The following CNTNAP2 variants were observed in gnomAD, a reference collection of about 807,000 sequenced individuals.
CNTNAP2 encodes contactin-associated protein-like 2.
In CNTNAP2, 98 loss-of-function variants were observed where a neutral mutation model predicts 155.2. The ratio of observed to expected loss-of-function variants is 0.63; its 90% confidence interval spans 0.54 to 0.75. The LOEUF (loss-of-function observed/expected upper bound fraction) is 0.75. CNTNAP2 is among the 30% of genes least tolerant of loss of function. The pLI is 0.00. For synonymous variants in CNTNAP2, 651 were observed against 631.2 expected, an observed-to-expected ratio of 1.03 and a Z score of -0.47; for missense variants, 1,727 against 1,688.1, an observed-to-expected ratio of 1.02 and a Z score of -0.40.
At chr7:148,385,098 T>A (rs757488821) in intron 22 of CNTNAP2, among the ~76,000 whole-genome samples, 22 of 152,080 alleles carry the variant, frequency 1.4e-4, no homozygotes, top group Non-Finnish European at 1.8e-4. Context: ...GCACATGGAG[T>A]GTGTGGCTTC....
chr7:147,246,081 T>TACATATATATGGCATATATATATAC (rs1804058581), intron 8 of CNTNAP2, among the ~76,000 whole-genome samples: 1 of 149,478 alleles, frequency 6.7e-6, no homozygotes, highest in East Asian at 2.0e-4. Flanking sequence ...TATATATATA[T>TACATATATATGGCATATATATATAC]ACATATATAT....
chr7:148,106,449 G>A (rs1563201295), intron 15 of CNTNAP2, among the ~76,000 whole-genome samples: 1 of 148,760 alleles, frequency 6.7e-6, no homozygotes, highest in Non-Finnish European at 1.5e-5. Flanking sequence ...ATTCCCCAGA[G>A]TCACCCCCAC....
chr7:147,485,792 T>C (rs1217621459), intron 10 of CNTNAP2, 143 bp from the exon 11 acceptor site: 7 of 780,648 alleles, frequency 9.0e-6, no homozygotes, highest in Non-Finnish European at 1.1e-5. Context: ...ATCATATTAA[T>C]CTGCTTAAAC....
At chr7:147,754,815 A>G (rs1239894946) in intron 13 of CNTNAP2, among the ~76,000 whole-genome samples, 1 of 151,850 alleles carries the variant, frequency 6.6e-6, no homozygotes, top group African/African-American at 2.4e-5. Flanking sequence ...GGAATAAATG[A>G]AAAAAAATGG....
At chr7:146,363,828 G>T (rs1795118862) in intron 1 of CNTNAP2, among the ~76,000 whole-genome samples, 2 of 152,170 alleles carry the variant, frequency 1.3e-5, no homozygotes, top group African/African-American at 4.8e-5. Flanking sequence ...AAAACAGCTG[G>T]AGAAGAATAT....
intron 13 of CNTNAP2, among the ~76,000 whole-genome samples, chr7:147,698,231 C>T (rs1796189379): frequency 6.6e-6 from 1 of 152,114 alleles, no homozygotes; most frequent in Non-Finnish European, 1.5e-5. Context: ...ACTGAAGATA[C>T]CTAATCTCCT....
At chr7:147,802,382 G>A (rs1190539524) in intron 13 of CNTNAP2, among the ~76,000 whole-genome samples, 1 of 152,174 alleles carries the variant, frequency 6.6e-6, no homozygotes, top group Middle Eastern at 3.4e-3. Context: ...GTGGCGGCCG[G>A]GCAGAGGCTG....
chr7:147,572,994 C>T (rs1800323962), intron 12 of CNTNAP2, among the ~76,000 whole-genome samples: 1 of 152,140 alleles, frequency 6.6e-6, no homozygotes, highest in Non-Finnish European at 1.5e-5. Flanking sequence ...CAGCTAATCT[C>T]TCTTTTTATC....
At chr7:146,458,084 A>G (rs1460476742) in intron 1 of CNTNAP2, among the ~76,000 whole-genome samples, 1 of 152,042 alleles carries the variant, frequency 6.6e-6, no homozygotes, top group East Asian at 1.9e-4. Context: ...GTTCTCATTT[A>G]CAAGTGGGAG....
chr7:147,429,403 T>C (rs1361520815), intron 10 of CNTNAP2, among the ~76,000 whole-genome samples: 8 of 152,180 alleles, frequency 5.3e-5, no homozygotes, highest in Non-Finnish European at 2.9e-5. Flanking sequence ...TGTGTATTCA[T>C]GTCCTTAGTC....
At chr7:147,887,451 A>G (rs1799621293) in intron 13 of CNTNAP2, among the ~76,000 whole-genome samples, 1 of 152,236 alleles carries the variant, frequency 6.6e-6, no homozygotes, top group African/African-American at 2.4e-5. Context: ...AGCCTGAGGG[A>G]CAAGAGCAAG....
At position 146,721,729 on chromosome 7, in the gene CNTNAP2, CATTATA is replaced by C. The variant is rs1438451643; in HGVS notation, c.98-52541_98-52536del. On this transcript the variant is annotated intron_variant, in intron 1 of 23. Transcript: ENST00000361727. ...ATACATTCTATATATATTCTAAATA[CATTATA>C]TATTCTATATATATATTCTATATAT... Among the ~76,000 whole-genome samples the C allele has an allele frequency of 3.2e-3, 400 of 124,192 alleles. 15 individuals carry two copies. Among genetic ancestry groups the C allele is most frequent in the African/African-American group, 0.013 (381 of 29,448 alleles). 81.5% of individuals were successfully genotyped at this position (124,192 alleles called of 152,430 possible).
At chr7:146,913,567 A>T (rs1270347575) in intron 3 of CNTNAP2, among the ~76,000 whole-genome samples, 2 of 152,068 alleles carry the variant, frequency 1.3e-5, no homozygotes, top group Non-Finnish European at 2.9e-5. Flanking sequence ...TCTTTCGGCA[A>T]GGAGACTGCC....
At chr7:147,072,934 G>C (rs2129266033) in intron 4 of CNTNAP2, among the ~76,000 whole-genome samples, 1 of 136,772 alleles carries the variant, frequency 7.3e-6, no homozygotes, top group Admixed American at 7.9e-5. Context: ...CTCACTGCAA[G>C]CTCCACCTCC....
At chr7:146,528,566 G>A (rs1294744720) in intron 1 of CNTNAP2, among the ~76,000 whole-genome samples, 2 of 152,112 alleles carry the variant, frequency 1.3e-5, no homozygotes, top group Non-Finnish European at 2.9e-5. Flanking sequence ...AGTTATAATT[G>A]TATTATACTT....
At chr7:146,322,764 A>G (rs532506285) in intron 1 of CNTNAP2, among the ~76,000 whole-genome samples, 37 of 151,358 alleles carry the variant, frequency 2.4e-4, no homozygotes, top group African/African-American at 8.7e-4. Context: ...AAAACGGATA[A>G]TAATAGAGGT....
chr7:147,262,124 A>G (rs987027673), intron 8 of CNTNAP2, among the ~76,000 whole-genome samples: 1 of 152,226 alleles, frequency 6.6e-6, no homozygotes, highest in East Asian at 1.9e-4. Context: ...TTAGGACCAC[A>G]ATTCAAAGAG....
chr7:146,721,889 A>ATTTTTTTTTTTTTTTTTTTTTTTT (rs71527797), intron 1 of CNTNAP2, among the ~76,000 whole-genome samples: 1 of 69,706 alleles, frequency 1.4e-5, no homozygotes, highest in Non-Finnish European at 2.4e-5. Context: ...ATATATATAT[A>ATTTTTTTTTTTTTTTTTTTTTTTT]TTTTTTTTTT....
Position 147,562,184 on chromosome 7 carries a change from A to G in CNTNAP2, c.1824A>G (p.Thr608=). The change falls in exon 12 of 24, where the codon ACA becomes ACG. Residue 608 remains threonine (T), a synonymous_variant. Transcript: ENST00000361727. ...SCEAYKHLGQ[T]SNYYWIDPDG... ...AAGCCTACAAACACCTAGGACAGACATCAAATTATTACTGGATAGATCCTG... is the reference window on the plus strand; with the variant it reads ...AAGCCTACAAACACCTAGGACAGACGTCAAATTATTACTGGATAGATCCTG... The G allele has an allele frequency of 1.9e-6, 3 of 1,614,090 alleles. No individual in the cohort carries two copies. The highest frequency in any genetic ancestry group is 2.5e-6 in the Non-Finnish European group (3 of 1,179,938).
Sources: gnomAD v4.1 joint callset for allele counts (sites outside exome capture counted in the v4.1 genomes callset) on GRCh38, gnomAD v4.1.1 for gene constraint, MANE v1.5 for transcripts, NCBI Gene and HGNC (gene_info 2026-07-23, HGNC 2026-07-21) for gene names.